CSMD1: variants seen among roughly 807,000 people sequenced by gnomAD.
The protein encoded by CSMD1 is CUB and Sushi multiple domains 1.
A neutral mutation model predicts 417.5 loss-of-function variants in CSMD1; 213 were observed. The ratio of observed to expected loss-of-function variants is 0.51; its 90% confidence interval spans 0.46 to 0.57. The LOEUF is 0.57. CSMD1 is among the 20% of genes least tolerant of loss of function. The pLI is 0.00. For synonymous variants in CSMD1, 2,862 were observed against 1,736.8 expected (o/e 1.65, Z -16.11); for missense variants, 6,923 against 4,529.7 (o/e 1.53, Z -15.17).
chr8:4,085,972 C>G (rs188493256), intron 3 of CSMD1, among the ~76,000 whole-genome samples: 2 of 152,134 alleles, frequency 1.3e-5, no homozygotes, highest in African/African-American at 4.8e-5. Context: ...CTACAATTAC[C>G]TTGAAATAAA....
At chr8:3,886,487 G>A (rs538768241) in intron 5 of CSMD1, among the ~76,000 whole-genome samples, 1 of 152,206 alleles carries the variant, frequency 6.6e-6, no homozygotes, top group South Asian at 2.1e-4. Flanking sequence ...CAGCCATACG[G>A]TCTCTGTCAC....
At chr8:4,185,644 G>T (rs985156734) in intron 3 of CSMD1, among the ~76,000 whole-genome samples, 1 of 152,172 alleles carries the variant, frequency 6.6e-6, no homozygotes, top group Admixed American at 6.5e-5. Flanking sequence ...AATGTAAAAA[G>T]TGACACATTT....
At chr8:4,968,601 A>T (rs1014653051) in intron 1 of CSMD1, among the ~76,000 whole-genome samples, 8 of 152,112 alleles carry the variant, frequency 5.3e-5, no homozygotes, top group Admixed American at 3.3e-4. Flanking sequence ...CCATAATCAG[A>T]CCAGTTTCTC....
chr8:4,620,535 C>G (rs899939130), intron 2 of CSMD1, among the ~76,000 whole-genome samples: 21 of 151,542 alleles, frequency 1.4e-4, no homozygotes, highest in African/African-American at 5.1e-4. Flanking sequence ...TTCAAGAAAT[C>G]TAAAGAATAA....
Position 3,753,937 on chromosome 8 carries a change from C to G in CSMD1, c.924G>C (p.Gln308His). ...AAGATGGAGCATCCTTACCTTGGAA[C>G]TGAGCGTTAAATCCTTTGCGTCGGT... ...SNHRRKGFNA[Q>H]FQVKKAIELK... The change falls in exon 6 of 70, where the codon CAG becomes CAC. Residue 308 changes from glutamine (Q) to histidine (H), a missense_variant. By Grantham distance (24) the Gln-to-His change is conservative. Transcript: ENST00000635120. 1 of 1,605,440 alleles carries G rather than the reference C, an allele frequency of 6.2e-7. No homozygotes were observed. Among genetic ancestry groups the G allele is most frequent in the Non-Finnish European group, 8.5e-7 (1 of 1,173,468 alleles).
intron 10 of CSMD1, among the ~76,000 whole-genome samples, chr8:3,523,996 C>G (rs557231659): frequency 1.1e-3 from 154 of 138,872 alleles, no homozygotes; most frequent in African/African-American, 4.2e-3. Flanking sequence ...CACCCAGAGA[C>G]ACATATGCAC....
chr8:4,842,304 A>C (rs548065414), intron 1 of CSMD1, among the ~76,000 whole-genome samples: 94 of 152,346 alleles, frequency 6.2e-4, no homozygotes, highest in African/African-American at 2.2e-3. Context: ...CTTCCATTGG[A>C]AAAATTATTT....
chr8:4,132,619 G>C (rs183973595), intron 3 of CSMD1, among the ~76,000 whole-genome samples: 5 of 152,198 alleles, frequency 3.3e-5, no homozygotes, highest in South Asian at 4.2e-4. Flanking sequence ...CACAGTGTTT[G>C]GCATTCATTC....
chr8:4,787,347 G>GTACT (rs1797459499), intron 1 of CSMD1: 4 of 735,950 alleles, frequency 5.4e-6, no homozygotes, highest in Non-Finnish European at 9.9e-6. Context: ...GACAGCTGAG[G>GTACT]TACTGAACAC....
In CSMD1 at chr8:4,889,140, T is replaced by G. The variant is rs113666385; in HGVS notation, c.85+105192A>C. ...GAAAGTATCACTCACAGTATTTTCA[T>G]TAATCACAAAAAGAACAAGTTACTT... On this transcript the variant is annotated intron_variant, in intron 1 of 69. Transcript: ENST00000635120. Among the ~76,000 whole-genome samples the G allele has an allele frequency of 8.5e-3, 1,290 of 152,206 alleles. 20 individuals are homozygous for G. The highest frequency in any genetic ancestry group is 0.012 in the Admixed American group (183 of 15,298).
intron 3 of CSMD1, among the ~76,000 whole-genome samples, chr8:4,122,337 C>G (rs1333036553): frequency 6.6e-6 from 1 of 152,056 alleles, no homozygotes; most frequent in Non-Finnish European, 1.5e-5. Context: ...ATATTTAACC[C>G]AAGAAGAAAT....
At chr8:4,814,747 T>C (rs1051625573) in intron 1 of CSMD1, among the ~76,000 whole-genome samples, 5 of 152,154 alleles carry the variant, frequency 3.3e-5, no homozygotes, top group Admixed American at 6.5e-5. Context: ...TGTCCTAACA[T>C]TGAGATCATT....
At chr8:3,066,079 G>A (rs149611733) in intron 49 of CSMD1, among the ~76,000 whole-genome samples, 251 of 152,228 alleles carry the variant, frequency 1.6e-3, no homozygotes, top group Admixed American at 3.1e-3. Context: ...TTGTCTATTG[G>A]CAATTAGAGA....
intron 3 of CSMD1, among the ~76,000 whole-genome samples, chr8:4,090,039 A>G (rs1800634052): frequency 6.6e-6 from 1 of 152,212 alleles, no homozygotes; most frequent in Admixed American, 6.5e-5. Context: ...TTTGATATTG[A>G]TTTATCATAG....
At chr8:2,948,850 T>C (rs1429085042) in intron 68 of CSMD1, among the ~76,000 whole-genome samples, 2 of 152,186 alleles carry the variant, frequency 1.3e-5, no homozygotes, top group South Asian at 4.1e-4. Flanking sequence ...AAACCAATTA[T>C]TAAAACTTTG....
chr8:4,278,360 A>C (rs1033102433), intron 3 of CSMD1, among the ~76,000 whole-genome samples: 1 of 152,216 alleles, frequency 6.6e-6, no homozygotes, highest in Admixed American at 6.5e-5. Context: ...ATTCATAAGG[A>C]AACTGAAACT....
At chr8:4,670,311 C>A (rs1585424024) in intron 1 of CSMD1, among the ~76,000 whole-genome samples, 1 of 152,016 alleles carries the variant, frequency 6.6e-6, no homozygotes, top group South Asian at 2.1e-4. Flanking sequence ...TGGCCTTGGC[C>A]CTAGGGAATA....
intron 21 of CSMD1, among the ~76,000 whole-genome samples, chr8:3,358,615 T>C (rs1203712038): frequency 6.6e-6 from 1 of 152,212 alleles, no homozygotes; most frequent in Non-Finnish European, 1.5e-5. Context: ...GAATTATCTC[T>C]TGGATTCCTC....
chr8:4,593,548 C>A (rs1800098571), intron 2 of CSMD1, among the ~76,000 whole-genome samples: 1 of 152,048 alleles, frequency 6.6e-6, no homozygotes, highest in African/African-American at 2.4e-5. Flanking sequence ...CTATTTGTAG[C>A]ACTTAATATT....
Sources: gnomAD v4.1 joint callset for allele counts (sites outside exome capture counted in the v4.1 genomes callset) on GRCh38, gnomAD v4.1.1 for gene constraint, MANE v1.5 for transcripts, NCBI Gene and HGNC (gene_info 2026-07-23, HGNC 2026-07-21) for gene names.